Variants in MALRD1 observed in about 807,000 individuals in gnomAD.
MALRD1 encodes MAM and LDL-receptor class A domain-containing protein 1.
In MALRD1, 247 loss-of-function variants were observed where a neutral mutation model predicts 242.1. The ratio of observed to expected loss-of-function variants is 1.02; its 90% CI spans 0.92 to 1.13. MALRD1 has a LOEUF of 1.13. Among genes scored for constraint, MALRD1 ranks in the 50% most tolerant of loss-of-function variants. The probability of loss-of-function intolerance (pLI) is 0.00; values close to 1 mark genes in which losing one functional copy is unlikely to be tolerated. For missense variants in MALRD1, 2,989 were observed against 2,533.1 expected, an observed-to-expected ratio of 1.18 and a Z score of -3.86; for synonymous variants, 995 against 866.6, an observed-to-expected ratio of 1.15 and a Z score of -2.60.
chr10:19,051,395 C>T (rs965324572), intron 1 of MALRD1: 1 of 152,332 alleles, frequency 6.6e-6, no homozygotes, highest in South Asian at 2.1e-4. Flanking sequence ...AGTTAAATTT[C>T]TGATGCCTCA....
At chr10:19,193,834 G>GAA (rs56944309) in intron 14 of MALRD1, among the ~76,000 whole-genome samples, 5,135 of 134,844 alleles carry the variant, frequency 0.038, 147 homozygotes, top group African/African-American at 0.081. Flanking sequence ...TAGTCTGGGG[G>GAA]AAAAAAAATA....
intron 24 of MALRD1, among the ~76,000 whole-genome samples, chr10:19,344,722 G>C (rs1011043298): frequency 5.5e-5 from 7 of 126,640 alleles, no homozygotes; most frequent in South Asian, 2.3e-4. Context: ...ATGTCAATTG[G>C]GGGGGGGGAG....
At position 19,151,511 on chromosome 10, in the gene MALRD1, A is replaced by C. The variant is rs369248158; in HGVS notation, c.1559-3564A>C. On this transcript the variant is annotated intron_variant, in intron 11 of 39. Transcript: ENST00000454679. Reference sequence around the variant, plus strand: ...TATTTCCTTTTTTCTAAATATTAACAGTTCTATCTTCCTTTTGTTGTTTTA... The same window carrying C: ...TATTTCCTTTTTTCTAAATATTAACCGTTCTATCTTCCTTTTGTTGTTTTA... 5.3e-5 allele frequency among the ~76,000 whole-genome samples: 8 copies of C among 152,228 alleles called. No homozygotes were observed. The South Asian group carries it at 1.7e-3, about 32-fold the overall frequency.
intron 36 of MALRD1, among the ~76,000 whole-genome samples, chr10:19,687,910 A>AATGTTATGTTATGTT (rs55753738): frequency 1.1e-3 from 152 of 137,384 alleles, no homozygotes; most frequent in East Asian, 4.9e-3. Flanking sequence ...TTATTTTTTT[A>AATGTTATGTTATGTT]ATGTTATGTT....
chr10:19,413,069 T>C (rs530682203), intron 28 of MALRD1, among the ~76,000 whole-genome samples: 1 of 152,144 alleles, frequency 6.6e-6, no homozygotes, highest in South Asian at 2.1e-4. Flanking sequence ...ACATCAATTG[T>C]GGAATACCTC....
At chr10:19,641,450 G>A (rs963388811) in intron 36 of MALRD1, among the ~76,000 whole-genome samples, 13 of 152,126 alleles carry the variant, frequency 8.5e-5, no homozygotes, top group African/African-American at 2.2e-4. Context: ...GTTGAGACGA[G>A]CAAAAGACAC....
At position 19,327,616 on chromosome 10, in the gene MALRD1, G is replaced by A. The variant is rs1353802184; in HGVS notation, c.3630G>A (p.Gln1210=). 1.9e-6 allele frequency: 3 copies of A among 1,549,822 alleles called. No homozygotes were observed. The African/African-American group carries it at 4.1e-5, about 21-fold the overall frequency. Residue 1210 remains glutamine (Q), a synonymous_variant, in exon 23 of 40, where the codon CAG becomes CAA. Transcript: ENST00000454679. ...CTAAATTGTGGGCTCAAACTGGACA[G>A]CAAGGTGCACAGTGGAAGAGAGCAG... ...VTSKLWAQTG[Q]QGAQWKRAEV...
chr10:19,114,956 A>G (rs1291005083), intron 5 of MALRD1, among the ~76,000 whole-genome samples: 1 of 152,144 alleles, frequency 6.6e-6, no homozygotes, highest in Non-Finnish European at 1.5e-5. Context: ...ATATTGGATT[A>G]GGGCCACCCT....
At chr10:19,080,974 C>G (rs989853241) in intron 2 of MALRD1, among the ~76,000 whole-genome samples, 1 of 151,926 alleles carries the variant, frequency 6.6e-6, no homozygotes, top group Non-Finnish European at 1.5e-5. Context: ...AGACACTTCT[C>G]AAAGAAAACA....
chr10:19,457,147 C>G (rs1473348583), intron 29 of MALRD1, among the ~76,000 whole-genome samples: 1 of 152,068 alleles, frequency 6.6e-6, no homozygotes, highest in African/African-American at 2.4e-5. Flanking sequence ...AGATGTTACA[C>G]CAAATATCAG....
chr10:19,334,119 G>GTT (rs56931838), intron 24 of MALRD1, among the ~76,000 whole-genome samples: 28,892 of 66,628 alleles, frequency 0.43, 7,834 homozygotes, highest in Middle Eastern at 0.54. Flanking sequence ...CTGTTGGTAG[G>GTT]TTTTTTTTTT....
intron 18 of MALRD1, among the ~76,000 whole-genome samples, chr10:19,223,554 G>A (rs1342978846): frequency 2.0e-5 from 3 of 151,516 alleles, no homozygotes; most frequent in Non-Finnish European, 2.9e-5. Flanking sequence ...ATATATATAC[G>A]CACATACATA....
chr10:19,194,741 C>T (rs1325805378), intron 14 of MALRD1, among the ~76,000 whole-genome samples: 1 of 152,094 alleles, frequency 6.6e-6, no homozygotes, highest in Admixed American at 6.6e-5. Context: ...TTGATAAAGT[C>T]TTAGAAAGAT....
At chr10:19,239,912 A>C (rs925264142) in intron 18 of MALRD1, among the ~76,000 whole-genome samples, 3 of 152,086 alleles carry the variant, frequency 2.0e-5, no homozygotes, top group Non-Finnish European at 2.9e-5. Context: ...TTTGTAGTAT[A>C]TTTTGAAGTC....
chr10:19,221,121 T>TA (rs1165000086), intron 18 of MALRD1, among the ~76,000 whole-genome samples: 1 of 151,954 alleles, frequency 6.6e-6, no homozygotes, highest in Non-Finnish European at 1.5e-5. Flanking sequence ...ATAATTTTTT[T>TA]AAAAAATGTT....
At position 19,384,646 on chromosome 10, in the gene MALRD1, TATATA is replaced by T. The variant is rs1031335660; in HGVS notation, c.4442-2872_4442-2868del. ...ATTTACTATAATATAATATATAGTA[TATATA>T]ATATAATATTTACTATATATTATAT... On this transcript the variant is annotated intron_variant, in intron 26 of 39. Coordinates refer to ENST00000454679, the MANE Select transcript of MALRD1 (RefSeq NM_001142308.3). Among the ~76,000 whole-genome samples the T allele has an allele frequency of 4.5e-5, 6 of 134,068 alleles. No homozygotes were observed. In the South Asian group the frequency reaches 6.4e-4, roughly 14 times the overall value. 88.0% of individuals were successfully genotyped at this position (134,068 alleles called of 152,430 possible).
rs772037226 is a variant in MALRD1, at chr10:19,491,550, C to T, written c.5063C>T (p.Thr1688Ile). ...GEISELCPEI[T>I]DFLCRDKKCI... ...ATCTCTGAGCTTTGTCCGGAAATCACTGATTTTTTGTGCCGGGACAAGAAG... is the reference window on the plus strand; with the variant it reads ...ATCTCTGAGCTTTGTCCGGAAATCATTGATTTTTTGTGCCGGGACAAGAAG... The change falls in exon 30 of 40, where the codon ACT becomes ATT. Residue 1688 changes from threonine to isoleucine, a missense_variant. Coordinates refer to ENST00000454679, the MANE Select transcript of MALRD1 (RefSeq NM_001142308.3). 6.5e-7 allele frequency: 1 copy of T among 1,550,170 alleles called. No individual in the cohort carries two copies. The highest frequency in any genetic ancestry group is 1.2e-5 in the South Asian group (1 of 84,066).
intron 38 of MALRD1, among the ~76,000 whole-genome samples, chr10:19,729,718 ATTCTTTTTTTTTTTTTT>A (rs1835201184): frequency 1.0e-5 from 1 of 98,976 alleles, no homozygotes; most frequent in Non-Finnish European, 2.0e-5. Context: ...AAGTCTATTA[ATTCTTTTTTTTTTTTTT>A]TTTTTTTTTT....
chr10:19,188,311 A>G (rs1835825578), intron 14 of MALRD1, among the ~76,000 whole-genome samples: 1 of 152,164 alleles, frequency 6.6e-6, no homozygotes, highest in South Asian at 2.1e-4. Flanking sequence ...AACAAGAGGA[A>G]CTTGTTCTAG....
Sources: allele counts gnomAD v4.1 joint callset (sites outside exome capture counted in the v4.1 genomes callset), GRCh38; gene constraint gnomAD v4.1.1; transcripts MANE v1.5; gene names NCBI Gene and HGNC (gene_info 2026-07-23, HGNC 2026-07-21).